Variants in ITGA11 observed in about 807,000 individuals in gnomAD.
ITGA11 encodes the protein integrin subunit alpha 11.
A neutral mutation model predicts 141.9 loss-of-function variants in ITGA11; 97 were observed. The observed-to-expected ratio is 0.68, with a 90% CI of 0.58 to 0.81. The LOEUF (loss-of-function observed/expected upper bound fraction) is 0.81, where lower values mean the gene tolerates loss of function less well. ITGA11 is among the 30% of genes least tolerant of loss of function. The pLI is 0.00. For synonymous variants in ITGA11, 658 were observed against 624.6 expected (o/e 1.05, Z -0.80); for missense variants, 1,387 against 1,559.2 (o/e 0.89, Z 1.86).
Position 68,326,860 on chromosome 15 carries a change from C to A in ITGA11, c.2069-64G>T. 1 of 1,501,900 alleles carries A rather than the reference C, an allele frequency of 6.7e-7. No homozygotes were observed. The allele number at this position is 1,501,900 out of a possible 1,614,324, so 93.0% of individuals were successfully genotyped here. ...CACATGCCCATCCAAGACTGTCTGC[C>A]TCCTCCAGGAAGCCCCCCAGGCTGG... On this transcript the variant is annotated intron_variant, in intron 16 of 29. Coordinates refer to ENST00000315757, the MANE Select transcript of ITGA11 (RefSeq NM_001004439.2). This position sits in a 1 kb window ranked among gnomAD's most constrained non-coding sequence, Gnocchi z 6.8.
At position 68,307,440 on chromosome 15, in the gene ITGA11, T is replaced by C. The variant is rs1168765861; in HGVS notation, c.3289A>G (p.Lys1097Glu). 1 of 1,555,748 alleles carries C rather than the reference T, an allele frequency of 6.4e-7. No individual in the cohort carries two copies. The highest frequency in any genetic ancestry group is 1.9e-5 in the Admixed American group (1 of 51,544). ...ACCATGATTTTCATGGATTTGTACT[T>C]GAGCTGTGCAATCAGAGGGCTCGTC... ...NLWLRSLKAL[K>E]YKSMKIMVNA... Residue 1097 changes from lysine to glutamate, a missense_variant, in exon 28 of 30, where the codon AAG becomes GAG. Lys to Glu is a moderately conservative substitution (Grantham distance 56). Transcript: ENST00000315757. This position sits in a 1 kb window ranked among gnomAD's most constrained non-coding sequence, Gnocchi z 6.1.
intron 2 of ITGA11, among the ~76,000 whole-genome samples, chr15:68,392,263 A>C (rs140950111): frequency 6.6e-6 from 1 of 152,354 alleles, no homozygotes; most frequent in East Asian, 1.9e-4. Flanking sequence ...CTAGCCATAA[A>C]CAACTATGTA....
rs2140309921 is a variant in ITGA11, at chr15:68,335,899, G to T, written c.1277-54C>A. The T allele has an allele frequency of 1.3e-6, 2 of 1,575,052 alleles. No individual in the cohort carries two copies. The highest frequency in any genetic ancestry group is 1.2e-5 in the South Asian group (1 of 86,068). The stretch of plus-strand genomic sequence containing the variant: ...TGGCACCGTGTCCTCAGCAGGCGTT[G>T]CTTGGCCCGGTGCATGGCTTGGCAG... On this transcript the variant is annotated intron_variant, in intron 11 of 29. Coordinates refer to ENST00000315757, the MANE Select transcript of ITGA11 (RefSeq NM_001004439.2). This position sits in a 1 kb window ranked among gnomAD's most constrained non-coding sequence, Gnocchi z 4.9.
At chr15:68,422,645 T>C (rs1897046523) in intron 1 of ITGA11, among the ~76,000 whole-genome samples, 1 of 152,170 alleles carries the variant, frequency 6.6e-6, no homozygotes, top group African/African-American at 2.4e-5. Flanking sequence ...AATGCCTTAG[T>C]TGGCTTTCGG....
intron 2 of ITGA11, among the ~76,000 whole-genome samples, chr15:68,391,901 T>G (rs1243140053): frequency 6.6e-6 from 1 of 152,236 alleles, no homozygotes; most frequent in Non-Finnish European, 1.5e-5. Flanking sequence ...AAATAAATTC[T>G]GTCTTGGAAA....
intron 3 of ITGA11, among the ~76,000 whole-genome samples, chr15:68,366,255 C>A (rs1335432651): frequency 2.0e-5 from 3 of 152,090 alleles, no homozygotes; most frequent in Non-Finnish European, 4.4e-5. Flanking sequence ...CTTTCAGGAC[C>A]CCTCACGGTC....
In ITGA11 at chr15:68,326,831, G is replaced by T; in HGVS notation, c.2069-35C>A. The stretch of plus-strand genomic sequence containing the variant: ...GGGAGAGGGCAAGACCACAAAGGTG[G>T]AGCCACATGCCCATCCAAGACTGTC... On this transcript the variant is annotated intron_variant, in intron 16 of 29. Transcript: ENST00000315757. This position sits in a 1 kb window ranked among gnomAD's most constrained non-coding sequence, Gnocchi z 6.8. 6.4e-7 allele frequency: 1 copy of T among 1,556,544 alleles called. No individual in the cohort carries two copies. Among genetic ancestry groups the T allele is most frequent in the Non-Finnish European group, 8.7e-7 (1 of 1,149,560 alleles).
intron 10 of ITGA11, among the ~76,000 whole-genome samples, chr15:68,345,704 G>A (rs1894723329): frequency 6.6e-6 from 1 of 152,222 alleles, no homozygotes; most frequent in African/African-American, 2.4e-5. Flanking sequence ...CTGGCAGGGA[G>A]GAAGCCTGGG....
rs1567135545 is a variant in ITGA11 at position 68,339,481 on chromosome 15, C to T, written c.1276+19G>A. The T allele has an allele frequency of 6.2e-7, 1 of 1,606,524 alleles. No homozygotes were observed. Among genetic ancestry groups the T allele is most frequent in the Non-Finnish European group, 8.5e-7 (1 of 1,176,470 alleles). On this transcript the variant is annotated intron_variant, in intron 11 of 29. Coordinates refer to ENST00000315757, the MANE Select transcript of ITGA11 (RefSeq NM_001004439.2). ...CCCGGCCCACGACCCGCCAGCCTCC[C>T]CTCACTCTGCGCTCTTACCCAGGTA...
In ITGA11 at chr15:68,333,703, A is replaced by G. The variant is rs1894253926; in HGVS notation, c.1426-1225T>C. Among the ~76,000 whole-genome samples, 1 of 152,118 alleles carries G rather than the reference A, an allele frequency of 6.6e-6. No homozygotes were observed. Among genetic ancestry groups the G allele is most frequent in the African/African-American group, 2.4e-5 (1 of 41,418 alleles). On this transcript the variant is annotated intron_variant, in intron 12 of 29. Coordinates refer to ENST00000315757, the MANE Select transcript of ITGA11 (RefSeq NM_001004439.2). The surrounding 1 kb of genome is among the most constrained non-coding windows in gnomAD (Gnocchi z 4.2). ...CTTCCAGCCTCAGGCTGGCCCCTTC[A>G]GCCCACCCCCATGGCAGCTGGCGTG...
At position 68,332,482 on chromosome 15, in the gene ITGA11, C is replaced by T. The variant is rs753873483; in HGVS notation, c.1426-4G>A. 1.3e-5 allele frequency: 21 copies of T among 1,611,642 alleles called. No individual in the cohort carries two copies. Among genetic ancestry groups the T allele is most frequent in the South Asian group, 2.2e-5 (2 of 90,628 alleles). Reference sequence around the variant, plus strand: ...CACTCCCAAAGTAAGAGCCTATCTGCGGCACGTGATGGGAGAGAGGAGTGG... The same window carrying T: ...CACTCCCAAAGTAAGAGCCTATCTGTGGCACGTGATGGGAGAGAGGAGTGG... On this transcript the variant is annotated splice_region_variant and splice_polypyrimidine_tract_variant and intron_variant, in intron 12 of 29. Coordinates refer to ENST00000315757, the MANE Select transcript of ITGA11 (RefSeq NM_001004439.2).
At chr15:68,365,242 C>T (rs11072009) in intron 3 of ITGA11, 948,354 of 985,348 alleles carry the variant, frequency 0.96, 457,405 homozygotes, top group Non-Finnish European at 0.98. Flanking sequence ...TCTTTCTGTG[C>T]CCACTTCTCT....
chr15:68,396,080 A>G (rs1225360573), intron 2 of ITGA11, among the ~76,000 whole-genome samples: 1 of 152,060 alleles, frequency 6.6e-6, no homozygotes, highest in Non-Finnish European at 1.5e-5. Flanking sequence ...TGATAAGGGT[A>G]TTTCCAAAAA....
chr15:68,317,725 G>A (rs908463961), intron 20 of ITGA11, among the ~76,000 whole-genome samples: 4 of 152,170 alleles, frequency 2.6e-5, no homozygotes, highest in East Asian at 1.9e-4. Context: ...TAAATGCAGC[G>A]CCTATCCCAT....
At chr15:68,312,981 C>T in intron 23 of ITGA11, 118 bp from the exon 24 acceptor site, 1 of 678,024 alleles carries the variant, frequency 1.5e-6, no homozygotes, top group African/African-American at 1.8e-5. Flanking sequence ...AAACAGGTTC[C>T]CGCTTGTGTC....
intron 9 of ITGA11, among the ~76,000 whole-genome samples, chr15:68,350,233 G>C (rs1229180444): frequency 1.3e-5 from 2 of 152,166 alleles, no homozygotes; most frequent in African/African-American, 4.8e-5. Context: ...TGCCCCGGCT[G>C]GAGTGCAGTG....
At chr15:68,408,433 C>T (rs762487268) in intron 1 of ITGA11, among the ~76,000 whole-genome samples, 27 of 152,108 alleles carry the variant, frequency 1.8e-4, no homozygotes, top group Non-Finnish European at 3.8e-4. Flanking sequence ...TCCATGAGGG[C>T]AGGATGGGGT....
At position 68,400,708 on chromosome 15, in the gene ITGA11, A is replaced by AATATT. The variant is rs1555400635; in HGVS notation, c.164+2205_164+2209dup. On this transcript the variant is annotated intron_variant, in intron 2 of 29. Transcript: ENST00000315757. ...ATATTATATTATATATTATATAATA[A>AATATT]ATATTATATATTATATAATAAATAT... Among the ~76,000 whole-genome samples, 16 of 23,708 alleles carry AATATT rather than the reference A, an allele frequency of 6.7e-4. 1 individual carries two copies. The highest frequency in any genetic ancestry group is 4.3e-3 in the African/African-American group (16 of 3,722). 15.6% of individuals were successfully genotyped at this position (23,708 alleles called of 152,430 possible).
chr15:68,379,640 A>G (rs1895811414), intron 2 of ITGA11, among the ~76,000 whole-genome samples: 1 of 152,222 alleles, frequency 6.6e-6, no homozygotes, highest in Admixed American at 6.5e-5. Flanking sequence ...CAGCTCTCTC[A>G]GGAAGGTGGC....
Sources: allele counts gnomAD v4.1 joint callset (sites outside exome capture counted in the v4.1 genomes callset), GRCh38; gene constraint gnomAD v4.1.1; non-coding constraint Gnocchi (gnomAD v3.1); transcripts MANE v1.5; gene names NCBI Gene and HGNC (gene_info 2026-07-23, HGNC 2026-07-21).